WDR72: variants seen among roughly 807,000 people sequenced by gnomAD.
WDR72 encodes the protein WD repeat domain 72.
Under a neutral mutation model 124.2 loss-of-function variants are expected in WDR72, and 120 were observed. The observed-to-expected ratio is 0.97, with a 90% CI of 0.83 to 1.12. WDR72 has a LOEUF of 1.12. WDR72 is among the 50% of genes most tolerant of loss of function. The pLI is 0.00. For synonymous variants in WDR72, 452 were observed against 441.7 expected (o/e 1.02, Z -0.29); for missense variants, 1,387 against 1,278.8 (o/e 1.08, Z -1.29).
chr15:53,761,071 C>G (rs546518194), upstream of WDR72, among the ~76,000 whole-genome samples: 1 of 152,120 alleles, frequency 6.6e-6, no homozygotes, highest in Non-Finnish European at 1.5e-5. Context: ...CTGCAGTGAG[C>G]TGAGATCACA....
chr15:53,688,511 G>A (rs1051318489), intron 13 of WDR72, among the ~76,000 whole-genome samples: 2 of 152,028 alleles, frequency 1.3e-5, no homozygotes, highest in Non-Finnish European at 2.9e-5. Context: ...TGCAAGGGAA[G>A]TCAAGGACCT....
intron 18 of WDR72, among the ~76,000 whole-genome samples, chr15:53,549,413 A>G (rs1371304845): frequency 6.6e-6 from 1 of 152,186 alleles, no homozygotes; most frequent in Non-Finnish European, 1.5e-5. Context: ...GGATGTTGAC[A>G]TATATATACT....
chr15:53,577,098 A>C (rs1457852490), intron 18 of WDR72, among the ~76,000 whole-genome samples: 1 of 152,160 alleles, frequency 6.6e-6, no homozygotes, highest in Non-Finnish European at 1.5e-5. Flanking sequence ...CTGTTAGGAC[A>C]CAGCCAGGCT....
chr15:53,540,951 G>A (rs182688554), intron 18 of WDR72: 339 of 157,364 alleles, frequency 2.2e-3, no homozygotes, highest in Non-Finnish European at 3.9e-3. Context: ...AAAAAACGGC[G>A]CACCACGAGA....
At chr15:53,711,044 C>T in intron 8 of WDR72, 91 bp from the exon 9 acceptor site, 9 of 1,125,678 alleles carry the variant, frequency 8.0e-6, no homozygotes, top group Non-Finnish European at 1.0e-5. Context: ...CCGGATGGTA[C>T]CGTTCAAGTT....
intron 18 of WDR72, among the ~76,000 whole-genome samples, chr15:53,543,321 G>A (rs1227718750): frequency 1.3e-5 from 2 of 151,710 alleles, no homozygotes; most frequent in Non-Finnish European, 2.9e-5. Flanking sequence ...AATGAAACTA[G>A]AACTCAGGAT....
intron 18 of WDR72, among the ~76,000 whole-genome samples, chr15:53,563,834 G>A (rs1160167870): frequency 1.3e-5 from 2 of 151,770 alleles, no homozygotes; most frequent in African/African-American, 2.4e-5. Flanking sequence ...GATGGGCATC[G>A]GAGCTCGTCA....
chr15:53,539,171 C>A (rs1892934174), intron 18 of WDR72, among the ~76,000 whole-genome samples: 2 of 152,168 alleles, frequency 1.3e-5, no homozygotes, highest in Middle Eastern at 3.4e-3. Context: ...AGAAAGGCTG[C>A]AAGTTAATAT....
intron 16 of WDR72, among the ~76,000 whole-genome samples, chr15:53,612,734 A>G (rs2013596985): frequency 6.6e-6 from 1 of 152,108 alleles, no homozygotes; most frequent in Admixed American, 6.6e-5. Context: ...AACAGAAGCC[A>G]CCAGAAGGTT....
chr15:53,760,560 T>A (rs1037294191), upstream of WDR72, among the ~76,000 whole-genome samples: 5 of 152,218 alleles, frequency 3.3e-5, no homozygotes, highest in Non-Finnish European at 7.3e-5. Context: ...ATGTACCACA[T>A]TTTTCTTATC....
chr15:53,710,144 ATTTGT>A (rs2017491305), intron 9 of WDR72, among the ~76,000 whole-genome samples: 1 of 152,240 alleles, frequency 6.6e-6, no homozygotes, highest in Non-Finnish European at 1.5e-5. Context: ...GCATAATTAT[ATTTGT>A]TTTAACAAGA....
intron 18 of WDR72, among the ~76,000 whole-genome samples, chr15:53,574,323 G>A (rs986337945): frequency 5.3e-5 from 8 of 152,120 alleles, no homozygotes; most frequent in Admixed American, 4.6e-4. Context: ...CTGTTTGGGT[G>A]CTCAAAACTA....
At chr15:53,593,387 T>C (rs1041774275) in intron 18 of WDR72, among the ~76,000 whole-genome samples, 1 of 152,118 alleles carries the variant, frequency 6.6e-6, no homozygotes, top group African/African-American at 2.4e-5. Flanking sequence ...TCCCTGTTTT[T>C]AGTAATTTTG....
chr15:53,700,363 G>A (rs2017134583), intron 12 of WDR72, among the ~76,000 whole-genome samples: 1 of 152,176 alleles, frequency 6.6e-6, no homozygotes, highest in South Asian at 2.1e-4. Context: ...TCCACTTAAA[G>A]CCTCAAAATG....
At chr15:53,604,114 T>G (rs1327083241) in intron 17 of WDR72, among the ~76,000 whole-genome samples, 1 of 152,082 alleles carries the variant, frequency 6.6e-6, no homozygotes, top group Non-Finnish European at 1.5e-5. Context: ...AACAGCAAGG[T>G]ACTGGTACAA....
intron 2 of WDR72, among the ~76,000 whole-genome samples, chr15:53,725,396 T>C (rs2017993127): frequency 6.6e-6 from 1 of 152,162 alleles, no homozygotes; most frequent in Non-Finnish European, 1.5e-5. Flanking sequence ...AAGAGTACAG[T>C]AGTTTCATAT....
chr15:53,524,748 T>C (rs143411353), intron 18 of WDR72, among the ~76,000 whole-genome samples: 385 of 152,256 alleles, frequency 2.5e-3, no homozygotes, highest in African/African-American at 8.5e-3. Flanking sequence ...TAAAACCTTT[T>C]TTGGGAACAA....
chr15:53,580,956 A>AAT (rs2140317454), intron 18 of WDR72, among the ~76,000 whole-genome samples: 1 of 151,526 alleles, frequency 6.6e-6, no homozygotes, highest in East Asian at 2.0e-4. Flanking sequence ...AAAGATAGTT[A>AAT]TAATTATTTG....
intron 3 of WDR72, among the ~76,000 whole-genome samples, chr15:53,718,782 T>C (rs8037530): frequency 0.43 from 48,667 of 113,886 alleles, 8,752 homozygotes; most frequent in South Asian, 0.58. Flanking sequence ...ATTTTAAAAA[T>C]CTTAAGATTT....
Sources: allele counts gnomAD v4.1 joint callset (sites outside exome capture counted in the v4.1 genomes callset), GRCh38; gene constraint gnomAD v4.1.1; transcripts MANE v1.5; gene names NCBI Gene and HGNC (gene_info 2026-07-23, HGNC 2026-07-21).